The following DYNLT2 variants were observed in gnomAD, a reference collection of about 807,000 sequenced individuals.
The protein encoded by DYNLT2 is dynein light chain Tctex-type protein 2.
Under a neutral mutation model 24.3 loss-of-function variants are expected in DYNLT2, and 24 were observed. The ratio of observed to expected loss-of-function variants is 0.99; its 90% CI spans 0.71 to 1.39. The LOEUF is 1.39. Ranked by LOEUF, DYNLT2 falls within the 40% of genes most tolerant of loss-of-function variation. DYNLT2 has a pLI of 0.00. For missense variants in DYNLT2, 246 were observed against 234.5 expected (o/e 1.05, Z -0.32); for synonymous variants, 85 against 85.4 (o/e 1.00, Z 0.03).
the DYNLT2 span, among the ~76,000 whole-genome samples, chr6:169,727,091 A>C: frequency 7.2e-5 from 11 of 152,240 alleles, no homozygotes; most frequent in African/African-American, 2.2e-4. Flanking sequence ...GAAGTTAGTA[A>C]GGTGGCAGAG....
chr6:169,742,501 C>T (rs1360804889), intron 3 of DYNLT2, among the ~76,000 whole-genome samples: 2 of 152,192 alleles, frequency 1.3e-5, no homozygotes, highest in Non-Finnish European at 2.9e-5. Flanking sequence ...AATAAATTTA[C>T]TGGTTAACTT....
chr6:169,738,073 C>G (rs1365571859), downstream of DYNLT2, among the ~76,000 whole-genome samples: 1 of 152,240 alleles, frequency 6.6e-6, no homozygotes, highest in Non-Finnish European at 1.5e-5. Flanking sequence ...CCTGAAGAGG[C>G]ACTCTGGCCG....
chr6:169,727,518 CG>C, the DYNLT2 span, among the ~76,000 whole-genome samples: 1 of 151,924 alleles, frequency 6.6e-6, no homozygotes, highest in Non-Finnish European at 1.5e-5. Flanking sequence ...AGAAGGTGGT[CG>C]CAGCTGCAAG....
chr6:169,738,342 G>A (rs1018988936), downstream of DYNLT2, among the ~76,000 whole-genome samples: 2 of 152,376 alleles, frequency 1.3e-5, no homozygotes, highest in African/African-American at 4.8e-5. Flanking sequence ...TGGGAATTGG[G>A]TAAGCTTAAG....
rs746628241 is a variant in DYNLT2 at position 169,751,355 on chromosome 6, A to G, written c.104T>C (p.Met35Thr). 3.7e-6 allele frequency: 6 copies of G among 1,613,942 alleles called. No homozygotes were observed. The highest frequency in any genetic ancestry group is 5.1e-6 in the Non-Finnish European group (6 of 1,179,940). Residue 35 changes from methionine (M) to threonine (T), a missense_variant, in exon 1 of 4, where the codon ATG becomes ACG. Transcript: ENST00000366774. Reference protein sequence around the residue: ...VTPRKERRPSMFEKEAYTQIL... With the variant: ...VTPRKERRPSTFEKEAYTQIL... ...CGCACTCACTGCCTCCTTCTCGAAC[A>G]TGCTAGGCCTCCTTTCTTTCCTAGG...
chr6:169,733,434 C>T, the DYNLT2 span, among the ~76,000 whole-genome samples: 2 of 152,136 alleles, frequency 1.3e-5, no homozygotes, highest in South Asian at 2.1e-4. Flanking sequence ...ACATTTAAGT[C>T]TTTAATCCAT....
chr6:169,730,018 C>T, the DYNLT2 span, among the ~76,000 whole-genome samples: 1 of 152,242 alleles, frequency 6.6e-6, no homozygotes, highest in East Asian at 1.9e-4. Flanking sequence ...GAAGAGCTAG[C>T]TGTGAATTTT....
intron 1 of DYNLT2, chr6:169,750,362 T>C (rs1440187026): frequency 1.3e-5 from 2 of 152,268 alleles, no homozygotes; most frequent in Non-Finnish European, 2.9e-5. Context: ...TCTGCTCTTT[T>C]TCTTAGCTGT....
rs959644051 is a variant in DYNLT2, at chr6:169,751,554, G to C, written c.-96C>G. On this transcript the variant is annotated 5_prime_UTR_variant, in exon 1 of 4. Coordinates refer to ENST00000366774, the MANE Select transcript of DYNLT2 (RefSeq NM_174910.3). ...GCGAGGGCGGAAGTCTCCCACCTGCGCCTCGTACGGTAGGAAGTGCCCGCC... is the reference window on the plus strand; with the variant it reads ...GCGAGGGCGGAAGTCTCCCACCTGCCCCTCGTACGGTAGGAAGTGCCCGCC... 4.1e-5 allele frequency: 66 copies of C among 1,610,178 alleles called. No homozygotes were observed. The highest frequency in any genetic ancestry group is 5.3e-5 in the Non-Finnish European group (63 of 1,178,700).
chr6:169,725,910 A>G, the DYNLT2 span: 1 of 152,284 alleles, frequency 6.6e-6, no homozygotes, highest in South Asian at 2.1e-4. Context: ...TGGACTGGCC[A>G]TCCCCTTTGT....
the DYNLT2 span, chr6:169,725,373 T>C: frequency 2.0e-5 from 8 of 398,480 alleles, no homozygotes; most frequent in Non-Finnish European, 4.4e-6. Context: ...GCGCGTCACA[T>C]TGACAAACAC....
In DYNLT2 at chr6:169,740,269, A is replaced by C; in HGVS notation, c.513T>G (p.Ile171Met). The C allele has an allele frequency of 6.2e-7, 1 of 1,613,996 alleles. No individual in the cohort carries two copies. ...TAGCTGCGACCCAGCTGTCCCATGC[A>C]ATGTCCCAGATCCATCTGCTGGCAA... ...INIASRWIWD[I>M]AWDSWVAAKH... The change falls in exon 4 of 4, where the codon ATT becomes ATG. Residue 171 changes from isoleucine (I) to methionine (M), a missense_variant. Transcript: ENST00000366774.
the DYNLT2 span, among the ~76,000 whole-genome samples, chr6:169,728,094 T>C: frequency 6.6e-6 from 1 of 152,202 alleles, no homozygotes; most frequent in African/African-American, 2.4e-5. Flanking sequence ...CTCAGTCAAG[T>C]TTACCTACTT....
chr6:169,735,474 G>A (rs1384187973), downstream of DYNLT2, among the ~76,000 whole-genome samples: 1 of 151,928 alleles, frequency 6.6e-6, no homozygotes, highest in Non-Finnish European at 1.5e-5. Context: ...CAGAGATTCT[G>A]GTATATTACC....
rs773919622 is a variant in DYNLT2 at position 169,744,161 on chromosome 6, C to G, written c.234G>C (p.Leu78=). ...ADIGKEWKSA[L]AKLKFANSYR... The stretch of plus-strand genomic sequence containing the variant: ...ATGAATTAGCAAACTTTAATTTTGC[C>G]AGGGCACTCTTCCATTCTTTACCTA... The change falls in exon 2 of 4, where the codon CTG becomes CTC. Residue 78 remains leucine (L), a synonymous_variant. Coordinates refer to ENST00000366774, the MANE Select transcript of DYNLT2 (RefSeq NM_174910.3). The G allele has an allele frequency of 6.2e-7, 1 of 1,613,460 alleles. No homozygotes were observed.
the DYNLT2 span, among the ~76,000 whole-genome samples, chr6:169,728,991 A>C: frequency 6.6e-6 from 1 of 152,244 alleles, no homozygotes; most frequent in African/African-American, 2.4e-5. Context: ...TCTTAACATT[A>C]ATCAATTCAT....
In DYNLT2 at chr6:169,743,243, A is replaced by G; in HGVS notation, c.328-5T>C. ...TTTGACATCTTTAAGACTTTCCTTT[A>G]AGAAAATTTAAGAAAAATACTTTTA... On this transcript the variant is annotated splice_region_variant and splice_polypyrimidine_tract_variant and intron_variant, in intron 2 of 3. Coordinates refer to ENST00000366774, the MANE Select transcript of DYNLT2 (RefSeq NM_174910.3). The G allele has an allele frequency of 7.0e-7, 1 of 1,433,322 alleles. No individual in the cohort carries two copies. Among genetic ancestry groups the G allele is most frequent in the Non-Finnish European group, 9.3e-7 (1 of 1,077,822 alleles). 88.8% of individuals were successfully genotyped at this position (1,433,322 alleles called of 1,614,324 possible).
intron 1 of DYNLT2, among the ~76,000 whole-genome samples, chr6:169,748,829 T>TACATC (rs543980776): frequency 3.9e-4 from 60 of 152,332 alleles, no homozygotes; most frequent in Non-Finnish European, 7.3e-4. Context: ...GCTGAAAATT[T>TACATC]ACATCTGTAC....
At chr6:169,725,188 G>A in the DYNLT2 span, 2 of 398,764 alleles carry the variant, frequency 5.0e-6, no homozygotes, top group South Asian at 1.3e-4. Context: ...CCTGGGTCCG[G>A]GGCGGCCCGC....
Sources: allele counts gnomAD v4.1 joint callset (sites outside exome capture counted in the v4.1 genomes callset), GRCh38; gene constraint gnomAD v4.1.1; transcripts MANE v1.5; gene names NCBI Gene and HGNC (gene_info 2026-07-23, HGNC 2026-07-21).